Variants in CLVS1 observed in about 807,000 individuals in gnomAD.
CLVS1 encodes the protein clavesin 1.
A neutral mutation model predicts 33.1 loss-of-function variants in CLVS1; 10 were observed. That is an observed-to-expected ratio of 0.30 (90% CI 0.19 to 0.51). The LOEUF (loss-of-function observed/expected upper bound fraction) is 0.51. Ranked by LOEUF, CLVS1 falls within the 20% of genes least tolerant of loss-of-function variation. The pLI is 0.97. For synonymous variants in CLVS1, 163 were observed against 166.1 expected, an observed-to-expected ratio of 0.98 and a Z score of 0.14; for missense variants, 343 against 433.4, an observed-to-expected ratio of 0.79 and a Z score of 1.85.
intron 5 of CLVS1, among the ~76,000 whole-genome samples, chr8:61,488,459 C>T (rs1803955883): frequency 6.6e-6 from 1 of 152,178 alleles, no homozygotes; most frequent in South Asian, 2.1e-4. Context: ...TAATCCACTG[C>T]TCCATATCTA....
chr8:61,050,177 T>C, the CLVS1 span, among the ~76,000 whole-genome samples: 1 of 152,292 alleles, frequency 6.6e-6, no homozygotes, highest in East Asian at 1.9e-4. Flanking sequence ...TTTTTTTTAC[T>C]GTGTTCATCC....
chr8:61,496,484 G>T (rs1392529439), intron 5 of CLVS1, among the ~76,000 whole-genome samples: 1 of 152,070 alleles, frequency 6.6e-6, no homozygotes, highest in East Asian at 1.9e-4. Flanking sequence ...CATGCACACT[G>T]GGCCTTAAAC....
chr8:61,470,748 A>C (rs559532692), intron 5 of CLVS1, among the ~76,000 whole-genome samples: 1 of 152,348 alleles, frequency 6.6e-6, no homozygotes, highest in East Asian at 1.9e-4. Context: ...TCTTAAAAAC[A>C]CTGTGCAGCT....
chr8:61,440,408 G>A (rs942423463), intron 3 of CLVS1, among the ~76,000 whole-genome samples: 2 of 152,174 alleles, frequency 1.3e-5, no homozygotes, highest in African/African-American at 4.8e-5. Flanking sequence ...ACTTTAAAAT[G>A]TTATTAGACT....
intron 2 of CLVS1, among the ~76,000 whole-genome samples, chr8:61,343,916 A>G (rs1205000513): frequency 6.6e-6 from 1 of 152,236 alleles, no homozygotes; most frequent in Non-Finnish European, 1.5e-5. Context: ...AACGGTATGA[A>G]GAAAAATAAA....
At chr8:61,179,003 C>T (rs531594929) in intron 2 of CLVS1, among the ~76,000 whole-genome samples, 7 of 152,144 alleles carry the variant, frequency 4.6e-5, no homozygotes, top group African/African-American at 1.7e-4. Flanking sequence ...AGAATACTAA[C>T]CTTAAATGTA....
intron 2 of CLVS1, among the ~76,000 whole-genome samples, chr8:61,345,316 T>G (rs533064064): frequency 9.2e-5 from 14 of 152,310 alleles, no homozygotes; most frequent in Non-Finnish European, 2.1e-4. Flanking sequence ...GAAAACTCCT[T>G]ATAAAATCAC....
chr8:61,004,195 C>A, the CLVS1 span, among the ~76,000 whole-genome samples: 32 of 152,234 alleles, frequency 2.1e-4, no homozygotes, highest in African/African-American at 7.7e-4. Flanking sequence ...GTGCTTTGCA[C>A]GTGGTAGAAA....
intron 4 of CLVS1, among the ~76,000 whole-genome samples, chr8:61,457,427 T>C (rs576779973): frequency 1.3e-5 from 2 of 152,248 alleles, no homozygotes; most frequent in Admixed American, 1.3e-4. Context: ...AACTCCTAAA[T>C]TGTAGTCAGT....
intron 1 of CLVS1, among the ~76,000 whole-genome samples, chr8:61,088,959 G>T (rs920567312): frequency 1.1e-4 from 17 of 151,986 alleles, no homozygotes; most frequent in Non-Finnish European, 1.6e-4. Context: ...CTGCCACTAC[G>T]CCTGGCTAAT....
chr8:61,261,605 T>C (rs533504513), intron 2 of CLVS1, among the ~76,000 whole-genome samples: 301 of 152,246 alleles, frequency 2.0e-3, no homozygotes, highest in African/African-American at 6.4e-3. Context: ...GAGGTGATTA[T>C]ATCAGGAGGG....
chr8:61,145,708 T>G, intron 2 of CLVS1, among the ~76,000 whole-genome samples: 1 of 152,106 alleles, frequency 6.6e-6, no homozygotes, highest in East Asian at 1.9e-4. Context: ...TACCAACCCC[T>G]CCCCTCGGGC....
chr8:61,030,531 C>A, the CLVS1 span, among the ~76,000 whole-genome samples: 8 of 152,280 alleles, frequency 5.3e-5, no homozygotes, highest in Admixed American at 6.5e-5. Context: ...CAGTGTAGCA[C>A]TGGTTAATAC....
At chr8:61,235,551 C>T (rs1359698161) in intron 2 of CLVS1, among the ~76,000 whole-genome samples, 1 of 152,170 alleles carries the variant, frequency 6.6e-6, no homozygotes, top group African/African-American at 2.4e-5. Flanking sequence ...AGCTTCTGAA[C>T]ATGTCTTTCA....
At position 61,074,405 on chromosome 8, in the gene CLVS1, ATATATAAG is replaced by A. The variant is rs1338427088; in HGVS notation, c.-243+17181_-243+17188del. Among the ~76,000 whole-genome samples, 30 of 145,018 alleles carry A rather than the reference ATATATAAG, an allele frequency of 2.1e-4. 1 individual carries two copies. The highest frequency in any genetic ancestry group is 7.2e-4 in the African/African-American group (28 of 38,796). On this transcript the variant is annotated intron_variant, in intron 1 of 2. Transcript: ENST00000522621. Reference sequence around the variant, plus strand: ...ATATGTGTATATATATATGTTATATATATATAAGTATATGTGTATATATATATGTTATA... The same window carrying A: ...ATATGTGTATATATATATGTTATATATATATGTGTATATATATATGTTATA...
chr8:61,204,499 A>G (rs1286974085), intron 2 of CLVS1, among the ~76,000 whole-genome samples: 1 of 152,222 alleles, frequency 6.6e-6, no homozygotes, highest in Non-Finnish European at 1.5e-5. Flanking sequence ...AATGCTAAGG[A>G]CGTTTTAGCA....
At chr8:61,488,208 G>A (rs953251211) in intron 5 of CLVS1, among the ~76,000 whole-genome samples, 2 of 152,124 alleles carry the variant, frequency 1.3e-5, no homozygotes, top group Non-Finnish European at 2.9e-5. Flanking sequence ...CACCAAAAAC[G>A]TATGTAGTAG....
intron 1 of CLVS1, among the ~76,000 whole-genome samples, chr8:61,088,522 T>C (rs1449051208): frequency 6.7e-6 from 1 of 149,894 alleles, no homozygotes; most frequent in South Asian, 2.1e-4. Context: ...AATGTAATTA[T>C]CAATTTTCCG....
chr8:61,197,343 G>A lies in CLVS1; in HGVS notation c.-152+65483G>A, dbSNP rs184924037. Among the ~76,000 whole-genome samples, 636 of 152,246 alleles carry A rather than the reference G, an allele frequency of 4.2e-3. 2 individuals are homozygous for A. Among genetic ancestry groups the A allele is most frequent in the Non-Finnish European group, 6.9e-3 (466 of 68,004 alleles). On this transcript the variant is annotated intron_variant, in intron 2 of 2. Transcript: ENST00000522621. ...AAAATGAATTCACTGTAGACATATG[G>A]ATTTGTTTCTGGGTTCTCTTGGGTT...
Sources: gnomAD v4.1 joint callset for allele counts (sites outside exome capture counted in the v4.1 genomes callset) on GRCh38, gnomAD v4.1.1 for gene constraint, MANE v1.5 for transcripts, NCBI Gene and HGNC (gene_info 2026-07-23, HGNC 2026-07-21) for gene names.